SP140: variants seen among roughly 807,000 people sequenced by gnomAD.
The protein encoded by SP140 is nuclear body protein SP140.
Under a neutral mutation model 125.0 loss-of-function variants are expected in SP140, and 81 were observed. The ratio of observed to expected loss-of-function variants is 0.65; its 90% CI spans 0.54 to 0.78. The LOEUF (loss-of-function observed/expected upper bound fraction) is 0.78, where lower values mean the gene tolerates loss of function less well. Ranked by LOEUF, SP140 falls within the 30% of genes least tolerant of loss-of-function variation. SP140 has a pLI of 0.00. For missense variants in SP140, 858 were observed against 1,037.0 expected (o/e 0.83, Z 2.37); for synonymous variants, 312 against 354.0 (o/e 0.88, Z 1.33).
At chr2:230,198,640 G>A (rs2042986493), upstream of SP140, among the ~76,000 whole-genome samples, 1 of 152,074 alleles carries the variant, frequency 6.6e-6, no homozygotes, top group South Asian at 2.1e-4. Context: ...TGTTGCCCAG[G>A]CTGGAGTGCA....
At chr2:230,248,215 A>G (rs1574994715) in intron 8 of SP140, 150 bp downstream of exon 8, 2 of 686,652 alleles carry the variant, frequency 2.9e-6, no homozygotes, top group East Asian at 5.2e-5. Flanking sequence ...AATCTTTAAC[A>G]TCGATATGCA....
chr2:230,200,984 T>G (rs1395057900), upstream of SP140: 1 of 1,580,034 alleles, frequency 6.3e-7, no homozygotes, highest in African/African-American at 1.3e-5. Flanking sequence ...TGAAAGATCT[T>G]AGTAAATGCC....
downstream of SP140, among the ~76,000 whole-genome samples, chr2:230,314,980 G>A (rs1424348871): frequency 6.6e-6 from 1 of 152,244 alleles, no homozygotes; most frequent in African/African-American, 2.4e-5. Context: ...TCCCTAAGGG[G>A]CATGAATGTT....
At chr2:230,202,991 C>T, upstream of SP140, 1 of 504,990 alleles carries the variant, frequency 2.0e-6, no homozygotes. Context: ...TGGGGAAATC[C>T]TAGAGCTTAT....
intron 3 of SP140, chr2:230,215,160 T>C: frequency 6.8e-7 from 1 of 1,478,032 alleles, no homozygotes; most frequent in Non-Finnish European, 9.5e-7. Context: ...GACTATAAAA[T>C]TGAATGGGAA....
At chr2:230,299,760 G>T (rs907595257) in intron 22 of SP140, among the ~76,000 whole-genome samples, 11 of 152,172 alleles carry the variant, frequency 7.2e-5, no homozygotes, top group Non-Finnish European at 1.5e-4. Flanking sequence ...ATTTGGCTCT[G>T]TTGGCTGTTG....
At chr2:230,309,816 G>A (rs544410783) in intron 22 of SP140, 108 bp from the exon 23 acceptor site, 2 of 1,060,484 alleles carry the variant, frequency 1.9e-6, no homozygotes, top group Admixed American at 2.0e-5. Context: ...AGAAGCATTT[G>A]CCTGTCCATG....
Position 230,248,049 on chromosome 2 carries a change from A to G in SP140, c.876A>G (p.Pro292=), listed in dbSNP as rs1224656853. The G allele has an allele frequency of 6.2e-7, 1 of 1,613,618 alleles. No homozygotes were observed. Among genetic ancestry groups the G allele is most frequent in the African/African-American group, 1.3e-5 (1 of 74,896 alleles). ...ACAAGGAGAAGTACCAAGAGAGTCC[A>G]GAGGGAAGAGACAAAGGTAGGAACA... The part of the protein sequence containing the change: ...NQDKEKYQES[P]EGRDKETFDL... Residue 292 remains proline (P), a synonymous_variant, in exon 8 of 27, where the codon CCA becomes CCG. Coordinates refer to ENST00000392045, the MANE Select transcript of SP140 (RefSeq NM_007237.5).
chr2:230,286,742 T>G lies in SP140; in HGVS notation c.1645+910T>G, dbSNP rs562330027. ...GTTACATATGTGGCCTGGTGCATTG[T>G]CCTAGGATGCGGGTGCTCAACTCAA... On this transcript the variant is annotated intron_variant, in intron 17 of 26. Transcript: ENST00000392045. Among the ~76,000 whole-genome samples, 5 of 152,288 alleles carry G rather than the reference T, an allele frequency of 3.3e-5. No homozygotes were observed. In the South Asian group the frequency reaches 1.0e-3, roughly 32 times the overall value.
At chr2:230,240,289 A>T (rs1410411421) in intron 3 of SP140, among the ~76,000 whole-genome samples, 2 of 152,230 alleles carry the variant, frequency 1.3e-5, no homozygotes, top group Admixed American at 1.3e-4. Context: ...ACAAAAAAAC[A>T]TGGATCATAA....
At chr2:230,255,115 C>T (rs544167876) in intron 11 of SP140, among the ~76,000 whole-genome samples, 3 of 152,060 alleles carry the variant, frequency 2.0e-5, no homozygotes, top group Non-Finnish European at 2.9e-5. Flanking sequence ...GGGGCAGAAA[C>T]GCATGGAAAC....
intron 22 of SP140, among the ~76,000 whole-genome samples, chr2:230,300,057 TG>T: frequency 6.6e-6 from 1 of 152,304 alleles, no homozygotes; most frequent in South Asian, 2.1e-4. Context: ...CAGGGGCTCA[TG>T]GGAGCTCTAT....
In SP140 at chr2:230,266,390, C is replaced by A. The variant is rs1464694900; in HGVS notation, c.1241-3142C>A. Among the ~76,000 whole-genome samples, 21 of 152,276 alleles carry A rather than the reference C, an allele frequency of 1.4e-4. No homozygotes were observed. The East Asian group carries it at 4.1e-3, about 29-fold the overall frequency. ...AATAGAGGTGACCTATGCATCAGAT[C>A]AGAGAAGATGCAGGTATGAGCTTTG... On this transcript the variant is annotated intron_variant, in intron 12 of 26. Transcript: ENST00000392045.
rs548209799 is a variant in SP140, at chr2:230,307,743, A to AT, written c.2059-2180dup. 1.2e-4 allele frequency among the ~76,000 whole-genome samples: 18 copies of AT among 152,118 alleles called. No homozygotes were observed. In the South Asian group the frequency reaches 3.5e-3, roughly 30 times the overall value. On this transcript the variant is annotated intron_variant, in intron 22 of 26. Transcript: ENST00000392045. ...GCCCCATGGCAGGCCCTTGGTAGGTATGCGATCCAGGCCAGTAGCCTGAGC... is the reference window on the plus strand; with the variant it reads ...GCCCCATGGCAGGCCCTTGGTAGGTATTGCGATCCAGGCCAGTAGCCTGAGC...
intron 8 of SP140, 101 bp from the exon 9 acceptor site, chr2:230,248,784 G>A (rs13426106): frequency 0.16 from 141,165 of 870,300 alleles, 12,690 homozygotes; most frequent in Middle Eastern, 0.22. Context: ...GAACAAGACA[G>A]GGGTGGCTCT....
At chr2:230,260,636 G>C (rs1454310156) in intron 12 of SP140, among the ~76,000 whole-genome samples, 1 of 152,172 alleles carries the variant, frequency 6.6e-6, no homozygotes, top group African/African-American at 2.4e-5. Flanking sequence ...GAGAGATGAG[G>C]ATCCAGTTTC....
chr2:230,254,993 C>G (rs1401507482), intron 11 of SP140, among the ~76,000 whole-genome samples: 1 of 152,176 alleles, frequency 6.6e-6, no homozygotes, highest in Non-Finnish European at 1.5e-5. Context: ...CCAGGAATGC[C>G]TTTCCTGATA....
At position 230,312,011 on chromosome 2, in the gene SP140, A is replaced by G. The variant is rs2059371285; in HGVS notation, c.2505+416A>G. Among the ~76,000 whole-genome samples, 3 of 152,336 alleles carry G rather than the reference A, an allele frequency of 2.0e-5. No homozygotes were observed. The South Asian group carries it at 6.2e-4, about 32-fold the overall frequency. On this transcript the variant is annotated intron_variant, in intron 26 of 26. Transcript: ENST00000392045. Reference sequence around the variant, plus strand: ...ATCCCAACAAGGATTGCCAGCAAGGAGTAGAAGTGACAGAGAAAGGAACAG... The same window carrying G: ...ATCCCAACAAGGATTGCCAGCAAGGGGTAGAAGTGACAGAGAAAGGAACAG...
chr2:230,257,166 ACT>A (rs1244379792), intron 12 of SP140, among the ~76,000 whole-genome samples: 2 of 151,954 alleles, frequency 1.3e-5, no homozygotes, highest in Non-Finnish European at 2.9e-5. Flanking sequence ...AATCCAAGAG[ACT>A]CTACCAGGGT....
Sources: gnomAD v4.1 joint callset for allele counts (sites outside exome capture counted in the v4.1 genomes callset) on GRCh38, gnomAD v4.1.1 for gene constraint, MANE v1.5 for transcripts, NCBI Gene and HGNC (gene_info 2026-07-23, HGNC 2026-07-21) for gene names.